HTR4: variants seen among roughly 807,000 people sequenced by gnomAD.
HTR4 encodes 5-hydroxytryptamine receptor 4, also known as 5-hydroxytryptamine (serotonin) receptor 4, G protein-coupled.
Under a neutral mutation model 36.8 loss-of-function variants are expected in HTR4, and 16 were observed. That is an observed-to-expected ratio of 0.43 (90% CI 0.29 to 0.66). The LOEUF is 0.66. HTR4 is among the 30% of genes least tolerant of loss of function. HTR4 has a pLI of 0.13. For missense variants in HTR4, 438 were observed against 490.9 expected, an observed-to-expected ratio of 0.89 and a Z score of 1.02; for synonymous variants, 189 against 185.1, an observed-to-expected ratio of 1.02 and a Z score of -0.17.
intron 2 of HTR4, among the ~76,000 whole-genome samples, chr5:148,587,363 A>C (rs560124429): frequency 1.2e-4 from 19 of 152,296 alleles, no homozygotes; most frequent in African/African-American, 4.3e-4. Flanking sequence ...GTCACACAGC[A>C]AGTTAGTGGC....
At chr5:148,547,734 A>G (rs1759462897) in intron 4 of HTR4, among the ~76,000 whole-genome samples, 2 of 151,854 alleles carry the variant, frequency 1.3e-5, no homozygotes, top group Non-Finnish European at 1.5e-5. Flanking sequence ...CCTATAAAAA[A>G]TAAATAAGAA....
At chr5:148,459,962 C>A (rs1175561762) in intron 5 of HTR4, among the ~76,000 whole-genome samples, 1 of 151,938 alleles carries the variant, frequency 6.6e-6, no homozygotes, top group Non-Finnish European at 1.5e-5. Context: ...GAGAAAGAAC[C>A]AAGTAGAAAT....
intron 6 of HTR4, among the ~76,000 whole-genome samples, chr5:148,492,509 T>C (rs1756500373): frequency 6.6e-6 from 1 of 152,218 alleles, no homozygotes; most frequent in Admixed American, 6.5e-5. Context: ...TTCTATTGAC[T>C]CATTTCTTAA....
At chr5:148,477,635 C>T (rs1381072881), downstream of HTR4, among the ~76,000 whole-genome samples, 2 of 152,218 alleles carry the variant, frequency 1.3e-5, no homozygotes, top group Non-Finnish European at 2.9e-5. Flanking sequence ...CTTACCTTAA[C>T]AGGGTTAAAT....
chr5:148,602,468 T>G (rs925862497), intron 2 of HTR4, among the ~76,000 whole-genome samples: 1 of 152,220 alleles, frequency 6.6e-6, no homozygotes, highest in Non-Finnish European at 1.5e-5. Context: ...ATTTATGGGA[T>G]GCAGATAAGG....
intron 6 of HTR4, among the ~76,000 whole-genome samples, chr5:148,503,224 G>A (rs1022362643): frequency 7.2e-5 from 11 of 152,226 alleles, no homozygotes; most frequent in African/African-American, 1.9e-4. Flanking sequence ...AGGAAAAAAT[G>A]TTAAGGGCAG....
chr5:148,475,026 C>CA (rs1288830585), downstream of HTR4, among the ~76,000 whole-genome samples: 1 of 147,384 alleles, frequency 6.8e-6, no homozygotes, highest in Non-Finnish European at 1.5e-5. Context: ...GCCTGGATGA[C>CA]AGAGTGAGAC....
downstream of HTR4, chr5:148,476,782 C>A (rs748243593): frequency 3.7e-6 from 6 of 1,612,684 alleles, no homozygotes; most frequent in East Asian, 1.1e-4. Context: ...AATTAATGAA[C>A]CACACTGAAA....
At chr5:148,469,331 G>C (rs530781921) in intron 5 of HTR4, among the ~76,000 whole-genome samples, 1 of 152,276 alleles carries the variant, frequency 6.6e-6, no homozygotes, top group Admixed American at 6.5e-5. Flanking sequence ...CTCTAACGCT[G>C]TACCACTGTG....
At chr5:148,648,169 C>A (rs1753929298) in intron 1 of HTR4, among the ~76,000 whole-genome samples, 1 of 152,022 alleles carries the variant, frequency 6.6e-6, no homozygotes, top group Admixed American at 6.5e-5. Context: ...TAATAAAATA[C>A]TGGAAAATAA....
intron 6 of HTR4, chr5:148,490,563 A>G: frequency 8.9e-7 from 1 of 1,120,032 alleles, no homozygotes; most frequent in South Asian, 2.1e-5. Flanking sequence ...AGAATCACAA[A>G]AAAAGGGGCT....
At chr5:148,504,490 A>G (rs1211790521) in intron 6 of HTR4, among the ~76,000 whole-genome samples, 3 of 152,244 alleles carry the variant, frequency 2.0e-5, no homozygotes, top group South Asian at 4.1e-4. Context: ...ACACATTTAA[A>G]GCAGTGTGTA....
At chr5:148,554,113 T>G (rs1759822064) in intron 2 of HTR4, among the ~76,000 whole-genome samples, 1 of 152,230 alleles carries the variant, frequency 6.6e-6, no homozygotes, top group African/African-American at 2.4e-5. Context: ...TTTGCTCTTG[T>G]TGCCCAGGCT....
intron 6 of HTR4, among the ~76,000 whole-genome samples, chr5:148,506,865 C>G (rs1410415415): frequency 6.6e-6 from 1 of 152,124 alleles, no homozygotes; most frequent in Non-Finnish European, 1.5e-5. Context: ...ATTAAAAAGT[C>G]AGGAAACAAC....
chr5:148,620,511 G>A (rs1752876445), intron 2 of HTR4, among the ~76,000 whole-genome samples: 1 of 152,094 alleles, frequency 6.6e-6, no homozygotes, highest in Non-Finnish European at 1.5e-5. Flanking sequence ...GAATTCAGCT[G>A]GGCTGTAAGT....
chr5:148,551,065 T>C (rs533897115), intron 2 of HTR4, among the ~76,000 whole-genome samples: 1 of 152,178 alleles, frequency 6.6e-6, no homozygotes, highest in East Asian at 1.9e-4. Flanking sequence ...AGGGCCATAG[T>C]ATTGGCTTCT....
intron 2 of HTR4, among the ~76,000 whole-genome samples, chr5:148,623,625 G>A (rs1348651955): frequency 1.3e-5 from 2 of 151,974 alleles, no homozygotes; most frequent in Non-Finnish European, 2.9e-5. Flanking sequence ...CAATTATCTG[G>A]ACATACTTAA....
At chr5:148,488,791 T>G (rs377298178) in intron 6 of HTR4, among the ~76,000 whole-genome samples, 202 of 152,322 alleles carry the variant, frequency 1.3e-3, no homozygotes, top group African/African-American at 4.7e-3. Context: ...GTTTGGGATG[T>G]TAACATTGTG....
rs186669353 is a variant in HTR4, at chr5:148,490,866, A to G, written c.1077-7573T>C. ...ACAGCCCTTTAAATATATAAAAACAATAATTATGACCTAAAACCTCTTTGC... is the reference window on the plus strand; with the variant it reads ...ACAGCCCTTTAAATATATAAAAACAGTAATTATGACCTAAAACCTCTTTGC... On this transcript the variant is annotated intron_variant, in intron 6 of 6. Transcript: ENST00000377888. 139 of 487,072 alleles carry G rather than the reference A, an allele frequency of 2.9e-4. 1 individual carries two copies. Among genetic ancestry groups the G allele is most frequent in the African/African-American group, 2.4e-3 (119 of 50,632 alleles). The allele number at this position is 487,072 out of a possible 1,614,324, so 30.2% of individuals were successfully genotyped here. A position where few individuals can be genotyped will look rare whatever the true frequency, so the allele number is the denominator to read the frequency against.
Sources: allele counts gnomAD v4.1 joint callset (sites outside exome capture counted in the v4.1 genomes callset), GRCh38; gene constraint gnomAD v4.1.1; transcripts MANE v1.5; gene names NCBI Gene and HGNC (gene_info 2026-07-23, HGNC 2026-07-21).